Variants in DSCAM observed in about 807,000 individuals in gnomAD.
The protein encoded by DSCAM is cell adhesion molecule DSCAM.
A neutral mutation model predicts 217.7 loss-of-function variants in DSCAM; 47 were observed. That is an observed-to-expected ratio of 0.22 (90% CI 0.17 to 0.28). The LOEUF is 0.28. Ranked by LOEUF, DSCAM falls within the 10% of genes least tolerant of loss-of-function variation. The pLI, the probability that DSCAM is intolerant of heterozygous loss-of-function variation, is 1.00. For synonymous variants in DSCAM, 1,056 were observed against 1,015.3 expected, an observed-to-expected ratio of 1.04 and a Z score of -0.76; for missense variants, 2,080 against 2,618.3, an observed-to-expected ratio of 0.79 and a Z score of 4.49.
At chr21:40,790,731 A>G (rs1241794717) in intron 1 of DSCAM, among the ~76,000 whole-genome samples, 2 of 152,238 alleles carry the variant, frequency 1.3e-5, no homozygotes, top group Admixed American at 6.5e-5. Context: ...TTGGGATGCT[A>G]TAGCATACAG....
At chr21:40,406,736 G>T (rs2075282559) in intron 3 of DSCAM, among the ~76,000 whole-genome samples, 1 of 152,140 alleles carries the variant, frequency 6.6e-6, no homozygotes, top group Admixed American at 6.5e-5. Context: ...GACTATAGGT[G>T]TGTGCCACCA....
At chr21:40,112,865 G>A (rs1182838741) in intron 20 of DSCAM, among the ~76,000 whole-genome samples, 1 of 152,124 alleles carries the variant, frequency 6.6e-6, no homozygotes, top group Non-Finnish European at 1.5e-5. Flanking sequence ...GACTAAACCA[G>A]AAAGAAGTTG....
intron 3 of DSCAM, chr21:40,615,243 T>C (rs13049365): frequency 0.4 from 57,988 of 144,966 alleles, 11,787 homozygotes; most frequent in East Asian, 0.55. Flanking sequence ...GATCATGCCA[T>C]TGCACTCCAG....
At chr21:40,089,389 C>G (rs1438489140) in intron 21 of DSCAM, among the ~76,000 whole-genome samples, 1 of 152,202 alleles carries the variant, frequency 6.6e-6, no homozygotes, top group Non-Finnish European at 1.5e-5. Context: ...TGATGAGAAA[C>G]TGAACCCCTC....
intron 11 of DSCAM, among the ~76,000 whole-genome samples, chr21:40,237,627 G>A (rs1261188744): frequency 1.3e-5 from 2 of 152,184 alleles, no homozygotes. Flanking sequence ...ATGGGCATTT[G>A]GGTTGGTTCC....
At chr21:40,755,456 A>C (rs1601217588) in intron 1 of DSCAM, among the ~76,000 whole-genome samples, 1 of 150,962 alleles carries the variant, frequency 6.6e-6, no homozygotes, top group African/African-American at 2.4e-5. Flanking sequence ...CACCTGCTAA[A>C]AAATAAATAA....
intron 3 of DSCAM, among the ~76,000 whole-genome samples, chr21:40,545,417 G>A (rs2076574191): frequency 1.3e-5 from 2 of 152,092 alleles, no homozygotes; most frequent in South Asian, 2.1e-4. Context: ...TGTAATATCC[G>A]AAATTTTACA....
At chr21:40,592,717 A>G (rs2076992608) in intron 3 of DSCAM, among the ~76,000 whole-genome samples, 1 of 151,694 alleles carries the variant, frequency 6.6e-6, no homozygotes, top group African/African-American at 2.4e-5. Flanking sequence ...CTCATCCATC[A>G]CCCTCACCCC....
At position 40,339,243 on chromosome 21, in the gene DSCAM, C is replaced by A. The variant is rs761986906; in HGVS notation, c.1383G>T (p.Ser461=). ...TCAGGTAGCTGACCACGTTCCCCTC[C>A]GACGTGATCATCTGGCTGATGCGGT... ...GSHRISQMIT[S]EGNVVSYLNI... Residue 461 remains serine, a synonymous_variant, in exon 7 of 33, where the codon TCG becomes TCT. Transcript: ENST00000400454. The A allele has an allele frequency of 6.2e-6, 10 of 1,614,152 alleles. No individual in the cohort carries two copies. The Admixed American group carries it at 1.0e-4, about 16-fold the overall frequency.
chr21:40,305,846 C>T (rs2074067901), intron 9 of DSCAM, among the ~76,000 whole-genome samples: 1 of 152,104 alleles, frequency 6.6e-6, no homozygotes, highest in African/African-American at 2.4e-5. Flanking sequence ...TTACTGTAGC[C>T]TTGTAGTATA....
At chr21:40,309,328 A>G (rs2074113518) in intron 9 of DSCAM, among the ~76,000 whole-genome samples, 1 of 152,200 alleles carries the variant, frequency 6.6e-6, no homozygotes, top group Admixed American at 6.5e-5. Flanking sequence ...TTCCTAAACC[A>G]GTGACCAACT....
intron 3 of DSCAM, among the ~76,000 whole-genome samples, chr21:40,512,393 T>G (rs2146063660): frequency 6.6e-6 from 1 of 152,272 alleles, no homozygotes; most frequent in African/African-American, 2.4e-5. Context: ...TCTCTATTAC[T>G]TCACGTCATT....
At chr21:40,828,293 G>T (rs2123628405) in intron 1 of DSCAM, among the ~76,000 whole-genome samples, 1 of 152,304 alleles carries the variant, frequency 6.6e-6, no homozygotes, top group Middle Eastern at 3.4e-3. Flanking sequence ...GCAGATGGGA[G>T]ATGTGGAATT....
At chr21:40,255,588 C>T (rs527430741) in intron 11 of DSCAM, among the ~76,000 whole-genome samples, 68 of 152,266 alleles carry the variant, frequency 4.5e-4, no homozygotes, top group African/African-American at 1.5e-3. Flanking sequence ...CCAGAGACAT[C>T]GCATGGGACT....
chr21:40,824,454 G>A (rs1185490272), intron 1 of DSCAM, among the ~76,000 whole-genome samples: 1 of 138,734 alleles, frequency 7.2e-6, no homozygotes. Flanking sequence ...CTGTCACCCA[G>A]GCTGGAGTGC....
chr21:40,506,998 G>A (rs1007852238), intron 3 of DSCAM, among the ~76,000 whole-genome samples: 1 of 152,174 alleles, frequency 6.6e-6, no homozygotes, highest in Admixed American at 6.5e-5. Flanking sequence ...CCACAACTTG[G>A]CCAGGCCCAG....
intron 3 of DSCAM, among the ~76,000 whole-genome samples, chr21:40,474,079 G>A (rs2075912563): frequency 6.6e-6 from 1 of 152,026 alleles, no homozygotes; most frequent in African/African-American, 2.4e-5. Flanking sequence ...GATCACCTGA[G>A]GTCAGGAGTT....
intron 3 of DSCAM, among the ~76,000 whole-genome samples, chr21:40,636,558 T>C (rs898230523): frequency 5.3e-5 from 8 of 152,174 alleles, no homozygotes; most frequent in African/African-American, 1.9e-4. Context: ...CAAATTTTAC[T>C]ATAACCATTC....
intron 3 of DSCAM, among the ~76,000 whole-genome samples, chr21:40,377,780 A>T (rs985949976): frequency 1.1e-4 from 16 of 152,130 alleles, no homozygotes; most frequent in African/African-American, 3.9e-4. Context: ...GGAGGACACA[A>T]GCCAGTGTGG....
Sources: gnomAD v4.1 joint callset for allele counts (sites outside exome capture counted in the v4.1 genomes callset) on GRCh38, gnomAD v4.1.1 for gene constraint, MANE v1.5 for transcripts, NCBI Gene and HGNC (gene_info 2026-07-23, HGNC 2026-07-21) for gene names.